The following ZNF536 variants were observed in gnomAD, a reference collection of about 807,000 sequenced individuals.
The protein encoded by ZNF536 is zinc finger protein 536.
In ZNF536, 13 loss-of-function variants were observed where a neutral mutation model predicts 84.5. The observed-to-expected ratio is 0.15, with a 90% confidence interval of 0.10 to 0.24. ZNF536 has a LOEUF of 0.24. Among genes scored for constraint, ZNF536 ranks in the 10% least tolerant of loss-of-function variants. The pLI is 1.00. For synonymous variants in ZNF536, 811 were observed against 742.5 expected (o/e 1.09, Z -1.50); for missense variants, 1,536 against 1,747.5 (o/e 0.88, Z 2.16).
chr19:30,292,320 GTT>G (rs61202726), intron 2 of ZNF536, among the ~76,000 whole-genome samples: 13 of 144,444 alleles, frequency 9.0e-5, no homozygotes, highest in East Asian at 8.1e-4. Context: ...CTAGGGAACT[GTT>G]TTTTTTTTTT....
intron 2 of ZNF536, among the ~76,000 whole-genome samples, chr19:30,351,274 A>T (rs1033310456): frequency 2.6e-5 from 4 of 152,232 alleles, no homozygotes. Context: ...GCAAAATACT[A>T]GTGACAGTGA....
At chr19:30,493,833 G>A (rs931792689) in intron 2 of ZNF536, among the ~76,000 whole-genome samples, 2 of 151,362 alleles carry the variant, frequency 1.3e-5, no homozygotes, top group African/African-American at 4.8e-5. Flanking sequence ...TGAGCATCAG[G>A]GAGATACGGT....
At chr19:30,482,149 A>G (rs1334411138) in intron 2 of ZNF536, among the ~76,000 whole-genome samples, 4 of 151,800 alleles carry the variant, frequency 2.6e-5, no homozygotes, top group African/African-American at 9.7e-5. Flanking sequence ...GTGTGTGTGT[A>G]TTGTGTGTCT....
chr19:30,575,344 C>G (rs1019404657), intron 1 of ZNF536, among the ~76,000 whole-genome samples: 1 of 152,154 alleles, frequency 6.6e-6, no homozygotes, highest in African/African-American at 2.4e-5. Context: ...TGGTATGGTC[C>G]CCTACTCCCA....
intron 1 of ZNF536, among the ~76,000 whole-genome samples, chr19:30,653,268 T>G (rs1202857747): frequency 6.6e-6 from 1 of 152,194 alleles, no homozygotes; most frequent in Non-Finnish European, 1.5e-5. Context: ...TCCAGGGTCA[T>G]GGCTGTGCTG....
At chr19:30,326,234 A>G (rs947371496) in intron 2 of ZNF536, among the ~76,000 whole-genome samples, 5 of 152,208 alleles carry the variant, frequency 3.3e-5, no homozygotes, top group African/African-American at 7.2e-5. Flanking sequence ...GACATGTCCC[A>G]GTGGTCAGCC....
intron 1 of ZNF536, among the ~76,000 whole-genome samples, chr19:30,598,208 T>C (rs1425675134): frequency 6.6e-6 from 1 of 152,190 alleles, no homozygotes; most frequent in Admixed American, 6.5e-5. Flanking sequence ...AACTCAGCAA[T>C]AGAGCAGGAG....
At chr19:30,323,181 A>G (rs1365790714) in intron 2 of ZNF536, among the ~76,000 whole-genome samples, 1 of 152,208 alleles carries the variant, frequency 6.6e-6, no homozygotes, top group African/African-American at 2.4e-5. Flanking sequence ...CTTTGCTGGT[A>G]GAATCCAAAC....
At chr19:30,590,859 AG>A (rs1487135894) in intron 1 of ZNF536, among the ~76,000 whole-genome samples, 1 of 152,218 alleles carries the variant, frequency 6.6e-6, no homozygotes, top group East Asian at 1.9e-4. Flanking sequence ...CAGCTGTTGA[AG>A]GGAAGGCCAG....
intron 2 of ZNF536, among the ~76,000 whole-genome samples, chr19:30,333,197 G>A (rs1416534361): frequency 4.3e-5 from 6 of 139,900 alleles, no homozygotes; most frequent in South Asian, 2.3e-4. Flanking sequence ...AAATAAATAA[G>A]GAAATAATAT....
intron 2 of ZNF536, among the ~76,000 whole-genome samples, chr19:30,295,349 T>G (rs1031112098): frequency 6.6e-6 from 1 of 150,838 alleles, no homozygotes; most frequent in Admixed American, 6.6e-5. Flanking sequence ...GGTGGGGAGG[T>G]TGTCTGCTGG....
intron 1 of ZNF536, among the ~76,000 whole-genome samples, chr19:30,644,328 A>G (rs914646093): frequency 6.6e-6 from 1 of 152,054 alleles, no homozygotes; most frequent in Non-Finnish European, 1.5e-5. Flanking sequence ...ACGTCTCCAG[A>G]GTTAAAATGG....
chr19:30,501,488 G>A (rs2054948409), intron 2 of ZNF536, among the ~76,000 whole-genome samples: 1 of 152,170 alleles, frequency 6.6e-6, no homozygotes, highest in Non-Finnish European at 1.5e-5. Context: ...GGCATGGTGG[G>A]TTGCATTTCA....
At chr19:30,564,844 G>C (rs1485132446) in intron 1 of ZNF536, among the ~76,000 whole-genome samples, 1 of 152,224 alleles carries the variant, frequency 6.6e-6, no homozygotes, top group Non-Finnish European at 1.5e-5. Flanking sequence ...AGTAATGTGA[G>C]TTATGACTCC....
chr19:30,667,967 T>C (rs1192883401), intron 1 of ZNF536, among the ~76,000 whole-genome samples: 1 of 152,034 alleles, frequency 6.6e-6, no homozygotes, highest in Non-Finnish European at 1.5e-5. Context: ...ACACAGCTGG[T>C]AATTGGCAGG....
chr19:30,316,600 G>A (rs1429386105), intron 2 of ZNF536, among the ~76,000 whole-genome samples: 1 of 152,194 alleles, frequency 6.6e-6, no homozygotes, highest in Non-Finnish European at 1.5e-5. Flanking sequence ...GGATGGATAG[G>A]GTAGGGGAGG....
chr19:30,267,113 A>T (rs1014923654), intron 1 of ZNF536, among the ~76,000 whole-genome samples: 2 of 152,228 alleles, frequency 1.3e-5, no homozygotes, highest in African/African-American at 4.8e-5. Context: ...AATGAATTAC[A>T]TTGGACTATC....
intron 1 of ZNF536, among the ~76,000 whole-genome samples, chr19:30,704,876 G>A (rs1446810838): frequency 6.6e-6 from 1 of 151,182 alleles, no homozygotes; most frequent in Non-Finnish European, 1.5e-5. Flanking sequence ...GGTCTCTGCT[G>A]TCAGAAATAT....
chr19:30,326,855 C>A (rs1367952483), intron 2 of ZNF536, among the ~76,000 whole-genome samples: 1 of 117,504 alleles, frequency 8.5e-6, no homozygotes, highest in Non-Finnish European at 1.6e-5. Context: ...TGCCTGTAAT[C>A]CCAGTGTTTT....
Sources: allele counts gnomAD v4.1 joint callset (sites outside exome capture counted in the v4.1 genomes callset), GRCh38; gene constraint gnomAD v4.1.1; transcripts MANE v1.5; gene names NCBI Gene and HGNC (gene_info 2026-07-23, HGNC 2026-07-21).